GALNT13: variants seen among roughly 807,000 people sequenced by gnomAD.
GALNT13 encodes the protein UDP-GalNAc:polypeptide N-acetylgalactosaminyltransferase 13.
Under a neutral mutation model 64.2 loss-of-function variants are expected in GALNT13, and 28 were observed. The ratio of observed to expected loss-of-function variants is 0.44; its 90% CI spans 0.32 to 0.60. The LOEUF is 0.60. Among genes scored for constraint, GALNT13 ranks in the 20% least tolerant of loss-of-function variants. GALNT13 has a pLI of 0.05. For missense variants in GALNT13, 577 were observed against 669.8 expected (o/e 0.86, Z 1.53); for synonymous variants, 214 against 224.6 (o/e 0.95, Z 0.42).
chr2:153,623,387 TGGTGTTTCCTTTACTGTGGCACTTGG>T, the GALNT13 span, among the ~76,000 whole-genome samples: 1 of 152,108 alleles, frequency 6.6e-6, no homozygotes, highest in Non-Finnish European at 1.5e-5. Flanking sequence ...GTAGTTTTGG[TGGTGTTTCCTTTACTGTGGCACTTGG>T]CATCAAATCT....
chr2:153,693,520 T>G, the GALNT13 span, among the ~76,000 whole-genome samples: 1 of 152,134 alleles, frequency 6.6e-6, no homozygotes, highest in Non-Finnish European at 1.5e-5. Context: ...TTTAAAGGTT[T>G]ATTTTGCCAA....
chr2:153,077,838 T>A, the GALNT13 span, among the ~76,000 whole-genome samples: 1 of 152,214 alleles, frequency 6.6e-6, no homozygotes, highest in Non-Finnish European at 1.5e-5. Flanking sequence ...AAGGTCTAAT[T>A]GGTTTGTTTG....
chr2:153,996,177 T>A (rs1371797776), intron 3 of GALNT13, among the ~76,000 whole-genome samples: 3 of 152,196 alleles, frequency 2.0e-5, no homozygotes, highest in African/African-American at 7.2e-5. Flanking sequence ...TTTCATTTTC[T>A]TTGGATAAAT....
chr2:153,578,090 C>G, the GALNT13 span, among the ~76,000 whole-genome samples: 5 of 152,014 alleles, frequency 3.3e-5, no homozygotes, highest in Non-Finnish European at 7.4e-5. Flanking sequence ...CTCTACATTT[C>G]TAAGGAAACC....
chr2:154,260,767 T>A (rs1178161947), intron 8 of GALNT13, among the ~76,000 whole-genome samples: 1 of 152,164 alleles, frequency 6.6e-6, no homozygotes, highest in South Asian at 2.1e-4. Flanking sequence ...TTAGAAATAA[T>A]TTGCTTCTAT....
the GALNT13 span, among the ~76,000 whole-genome samples, chr2:153,734,924 A>C: frequency 1.1e-4 from 16 of 152,164 alleles, no homozygotes; most frequent in Non-Finnish European, 2.1e-4. Context: ...CCAAAATCAA[A>C]ATGTAGAGCT....
chr2:153,984,447 G>GGAGA (rs1245409264), intron 3 of GALNT13, among the ~76,000 whole-genome samples: 1 of 151,502 alleles, frequency 6.6e-6, no homozygotes, highest in Non-Finnish European at 1.5e-5. Flanking sequence ...AGTGAAATTT[G>GGAGA]GAGAGACCAG....
chr2:154,405,658 G>A (rs1009700785), intron 10 of GALNT13, among the ~76,000 whole-genome samples: 6 of 151,912 alleles, frequency 3.9e-5, no homozygotes, highest in African/African-American at 9.7e-5. Flanking sequence ...GGAAGCTGAG[G>A]CAGAGAATTG....
intron 9 of GALNT13, among the ~76,000 whole-genome samples, chr2:154,349,760 C>T (rs921147667): frequency 6.6e-6 from 1 of 152,180 alleles, no homozygotes; most frequent in Admixed American, 6.5e-5. Context: ...ACTTAATAAC[C>T]TAAATCTCTG....
chr2:153,102,758 A>G, the GALNT13 span, among the ~76,000 whole-genome samples: 5 of 152,150 alleles, frequency 3.3e-5, no homozygotes, highest in East Asian at 7.7e-4. Flanking sequence ...CTTGGTTATC[A>G]GCTGGTGTGC....
At chr2:154,277,894 G>A (rs1411962829) in intron 8 of GALNT13, among the ~76,000 whole-genome samples, 1 of 152,054 alleles carries the variant, frequency 6.6e-6, no homozygotes, top group Non-Finnish European at 1.5e-5. Flanking sequence ...AACATTTTTG[G>A]TATGGAATTA....
chr2:153,122,090 T>C, the GALNT13 span, among the ~76,000 whole-genome samples: 1 of 152,182 alleles, frequency 6.6e-6, no homozygotes, highest in Non-Finnish European at 1.5e-5. Flanking sequence ...TATTGCTAGA[T>C]ATTTGTTATT....
At chr2:153,440,169 C>T in the GALNT13 span, among the ~76,000 whole-genome samples, 1 of 148,678 alleles carries the variant, frequency 6.7e-6, no homozygotes, top group African/African-American at 2.5e-5. Flanking sequence ...TCTCATTGTT[C>T]AGCTCCCACT....
At chr2:153,513,355 C>T in the GALNT13 span, among the ~76,000 whole-genome samples, 2 of 152,150 alleles carry the variant, frequency 1.3e-5, no homozygotes, top group Non-Finnish European at 2.9e-5. Context: ...TCCACAAGTC[C>T]TATTTGTTTT....
the GALNT13 span, among the ~76,000 whole-genome samples, chr2:153,126,680 C>G: frequency 2.3e-3 from 344 of 152,226 alleles, no homozygotes; most frequent in African/African-American, 7.9e-3. Context: ...ATTTATTTGT[C>G]AGGCCCTCTA....
the GALNT13 span, among the ~76,000 whole-genome samples, chr2:153,069,008 A>G: frequency 3.3e-5 from 5 of 152,350 alleles, no homozygotes; most frequent in East Asian, 9.6e-4. Flanking sequence ...AAGGCAGTGC[A>G]CTTTGGAAGA....
chr2:153,721,299 C>T, the GALNT13 span, among the ~76,000 whole-genome samples: 1 of 146,748 alleles, frequency 6.8e-6, no homozygotes, highest in African/African-American at 2.7e-5. Context: ...CCTAAAAGAG[C>T]TCCTGAAGGA....
At chr2:154,001,846 C>T (rs1695930970) in intron 3 of GALNT13, among the ~76,000 whole-genome samples, 1 of 151,936 alleles carries the variant, frequency 6.6e-6, no homozygotes. Context: ...AAAGACTTGT[C>T]TGTTAGTTAT....
chr2:153,297,456 G>A, the GALNT13 span, among the ~76,000 whole-genome samples: 841 of 152,274 alleles, frequency 5.5e-3, 4 homozygotes, highest in African/African-American at 0.02. Context: ...AGTTTTGAGA[G>A]AAAGAATTTT....
Sources: allele counts gnomAD v4.1 joint callset (sites outside exome capture counted in the v4.1 genomes callset), GRCh38; gene constraint gnomAD v4.1.1; transcripts MANE v1.5; gene names NCBI Gene and HGNC (gene_info 2026-07-23, HGNC 2026-07-21).